DLGAP5: variants seen among roughly 807,000 people sequenced by gnomAD.
DLGAP5 encodes the protein disks large-associated protein 5.
DLGAP5 carries 90 observed loss-of-function variants against 99.6 expected under a neutral mutation model. The observed-to-expected ratio is 0.90, with a 90% CI of 0.76 to 1.08. The LOEUF (loss-of-function observed/expected upper bound fraction) is 1.08, where lower values mean the gene tolerates loss of function less well. Ranked by LOEUF, DLGAP5 falls within the 50% of genes least tolerant of loss-of-function variation. The pLI, the probability that DLGAP5 is intolerant of heterozygous loss-of-function variation, is 0.00. For synonymous variants in DLGAP5, 311 were observed against 321.3 expected (o/e 0.97, Z 0.34); for missense variants, 1,036 against 983.5 (o/e 1.05, Z -0.71).
rs1883107635 is a variant in DLGAP5, at chr14:55,177,325, A to T, written c.786T>A (p.Cys262Ter). The T allele has an allele frequency of 6.3e-7, 1 of 1,598,128 alleles. No individual in the cohort carries two copies. The highest frequency in any genetic ancestry group is 8.5e-7 in the Non-Finnish European group (1 of 1,173,928). The change falls in exon 8 of 19, where the codon TGT (cysteine) becomes TGA (stop). Residue 262 changes from cysteine to a stop codon, truncating the protein, a stop_gained. Transcript: ENST00000247191. LOFTEE classifies it high-confidence loss of function. ...VETKPDKGIS[C>*]KVDSEENTLN... is the part of the protein sequence containing the mutation. ...AAGTATTTTCTTCACTATCGACTTT[A>T]CAAGAAATACCCTAGGATGTGAGTT...
intron 8 of DLGAP5, 112 bp from the exon 9 acceptor site, chr14:55,176,130 A>C (rs1453016003): frequency 1.0e-6 from 1 of 989,422 alleles, no homozygotes; most frequent in African/African-American, 1.6e-5. Flanking sequence ...AAATGTTTCT[A>C]TTTTTTTAAA....
In DLGAP5 at chr14:55,154,822, A is replaced by C. The variant is rs1882151919; in HGVS notation, c.1874-16T>G. The C allele has an allele frequency of 1.9e-6, 3 of 1,607,990 alleles. No individual in the cohort carries two copies. On this transcript the variant is annotated splice_polypyrimidine_tract_variant and intron_variant, in intron 14 of 18. Transcript: ENST00000247191. The stretch of plus-strand genomic sequence containing the variant: ...ACAGAAAGTCCTAGAAGATGAGAGA[A>C]ATCACCTCAATACCAAATAGTTCTT...
intron 10 of DLGAP5, among the ~76,000 whole-genome samples, chr14:55,172,623 C>CA (rs1207120671): frequency 6.6e-6 from 1 of 151,446 alleles, no homozygotes; most frequent in African/African-American, 2.4e-5. Flanking sequence ...GACCCTGTCT[C>CA]AAAAAACAGA....
intron 2 of DLGAP5, among the ~76,000 whole-genome samples, chr14:55,184,180 C>G (rs1243467545): frequency 1.3e-5 from 2 of 151,882 alleles, no homozygotes; most frequent in African/African-American, 4.8e-5. Context: ...TTTCAATAAG[C>G]CAGGCACAGT....
chr14:55,155,879 AAGATCG>A (rs2140306539), intron 14 of DLGAP5, among the ~76,000 whole-genome samples: 1 of 151,734 alleles, frequency 6.6e-6, no homozygotes, highest in Admixed American at 6.6e-5. Context: ...ACGGGGCCAG[AAGATCG>A]AGACCATCCT....
At chr14:55,149,678 G>A (rs372410118) in intron 18 of DLGAP5, among the ~76,000 whole-genome samples, 3 of 152,258 alleles carry the variant, frequency 2.0e-5, no homozygotes, top group South Asian at 4.1e-4. Flanking sequence ...AGGTAAGGCT[G>A]TAACCACAGG....
At chr14:55,180,915 G>A (rs1883251222) in intron 5 of DLGAP5, 137 bp from the exon 6 acceptor site, 1 of 1,101,044 alleles carries the variant, frequency 9.1e-7, no homozygotes, top group Non-Finnish European at 1.3e-6. Flanking sequence ...CCAGGAGTTC[G>A]AAACCAGCCT....
At chr14:55,189,611 C>A (rs1241635688) in intron 1 of DLGAP5, among the ~76,000 whole-genome samples, 2 of 152,162 alleles carry the variant, frequency 1.3e-5, no homozygotes, top group Admixed American at 6.5e-5. Flanking sequence ...AAACCCCACA[C>A]CAGGTACCTA....
Position 55,175,888 on chromosome 14 carries a change from C to A in DLGAP5, c.1174+6G>T, listed in dbSNP as rs753896692. 6.3e-7 allele frequency: 1 copy of A among 1,580,506 alleles called. No individual in the cohort carries two copies. The highest frequency in any genetic ancestry group is 1.8e-5 in the Admixed American group (1 of 56,940). On this transcript the variant is annotated splice_donor_region_variant and intron_variant, in intron 9 of 18. Coordinates refer to ENST00000247191, the MANE Select transcript of DLGAP5 (RefSeq NM_014750.5). ...AAAAAATGAATAAATTAATTAAATA[C>A]TATACCTTCATGCCAAACAGTTAGA...
At chr14:55,158,987 A>G (rs1375640840) in intron 13 of DLGAP5, among the ~76,000 whole-genome samples, 2 of 152,038 alleles carry the variant, frequency 1.3e-5, no homozygotes, top group African/African-American at 4.8e-5. Context: ...AGTAAGAAGG[A>G]TAAATGTCCT....
At chr14:55,183,987 T>C (rs1266760355) in intron 2 of DLGAP5, among the ~76,000 whole-genome samples, 4 of 152,114 alleles carry the variant, frequency 2.6e-5, no homozygotes, top group Non-Finnish European at 5.9e-5. Flanking sequence ...ATCCCATCTC[T>C]ACTAAAAATT....
intron 8 of DLGAP5, 95 bp downstream of exon 8, chr14:55,176,967 A>G: frequency 9.6e-7 from 1 of 1,038,464 alleles, no homozygotes; most frequent in African/African-American, 2.5e-5. Context: ...GACAGAGCGA[A>G]CTCCGTCTGA....
At chr14:55,168,388 G>A (rs1274257873) in intron 12 of DLGAP5, among the ~76,000 whole-genome samples, 1 of 152,162 alleles carries the variant, frequency 6.6e-6, no homozygotes, top group Non-Finnish European at 1.5e-5. Flanking sequence ...GAAACGTCTG[G>A]TCTCTTTGAG....
chr14:55,173,978 A>G (rs1219068784), intron 10 of DLGAP5, among the ~76,000 whole-genome samples: 1 of 152,220 alleles, frequency 6.6e-6, no homozygotes, highest in East Asian at 1.9e-4. Flanking sequence ...CCTTGAAAAA[A>G]CAGGATAACA....
chr14:55,155,931 A>G (rs890519055), intron 14 of DLGAP5, among the ~76,000 whole-genome samples: 2 of 151,852 alleles, frequency 1.3e-5, no homozygotes, highest in African/African-American at 2.4e-5. Context: ...TACTAAAAAA[A>G]TACCAAAAAA....
intron 10 of DLGAP5, among the ~76,000 whole-genome samples, 176 bp from the exon 11 acceptor site, chr14:55,170,963 G>A (rs947700235): frequency 6.6e-6 from 1 of 152,166 alleles, no homozygotes; most frequent in Non-Finnish European, 1.5e-5. Flanking sequence ...ATAAATACAA[G>A]TTGATACCCT....
At chr14:55,173,033 G>C (rs571444483) in intron 10 of DLGAP5, among the ~76,000 whole-genome samples, 31 of 148,212 alleles carry the variant, frequency 2.1e-4, no homozygotes, top group Admixed American at 1.6e-3. Flanking sequence ...GTTTAGTTCT[G>C]ACATTATCTA....
intron 7 of DLGAP5, among the ~76,000 whole-genome samples, chr14:55,177,614 T>C (rs1883125046): frequency 6.6e-6 from 1 of 151,556 alleles, no homozygotes; most frequent in South Asian, 2.1e-4. Context: ...CTCGGCTCCC[T>C]GCAAGCTCCG....
chr14:55,174,659 A>G (rs1882991486), intron 10 of DLGAP5, among the ~76,000 whole-genome samples: 1 of 152,138 alleles, frequency 6.6e-6, no homozygotes, highest in African/African-American at 2.4e-5. Flanking sequence ...CTACGTGAAT[A>G]TCAGGGCAGA....
Sources: gnomAD v4.1 joint callset for allele counts (sites outside exome capture counted in the v4.1 genomes callset) on GRCh38, gnomAD v4.1.1 for gene constraint, MANE v1.5 for transcripts, NCBI Gene and HGNC (gene_info 2026-07-23, HGNC 2026-07-21) for gene names.